The following DENND1B variants were observed in gnomAD, a reference collection of about 807,000 sequenced individuals.
DENND1B encodes the protein DENN domain containing 1B, also known as DENN domain-containing protein 1B.
In DENND1B, 59 loss-of-function variants were observed where a neutral mutation model predicts 90.1. The ratio of observed to expected loss-of-function variants is 0.65; its 90% CI spans 0.53 to 0.81. DENND1B has a LOEUF of 0.81. DENND1B is among the 40% of genes least tolerant of loss of function. DENND1B has a pLI of 0.00. For missense variants in DENND1B, 862 were observed against 912.6 expected, an observed-to-expected ratio of 0.94 and a Z score of 0.71; for synonymous variants, 337 against 324.6, an observed-to-expected ratio of 1.04 and a Z score of -0.41.
At chr1:197,766,889 G>T (rs1384670027) in intron 2 of DENND1B, among the ~76,000 whole-genome samples, 1 of 152,004 alleles carries the variant, frequency 6.6e-6, no homozygotes, top group Non-Finnish European at 1.5e-5. Context: ...CGCCTCCTGG[G>T]TTCAAGTGAT....
intron 9 of DENND1B, among the ~76,000 whole-genome samples, chr1:197,644,039 T>C (rs1680513212): frequency 6.6e-6 from 1 of 152,168 alleles, no homozygotes; most frequent in Non-Finnish European, 1.5e-5. Context: ...CCATCACAAA[T>C]TGGTAATCAT....
chr1:197,638,380 A>C (rs542617757), intron 10 of DENND1B, among the ~76,000 whole-genome samples: 20 of 152,334 alleles, frequency 1.3e-4, no homozygotes, highest in African/African-American at 4.6e-4. Context: ...CTTTTAAAAG[A>C]AGCATCCCTT....
chr1:197,566,758 T>C (rs1444005953), intron 15 of DENND1B, among the ~76,000 whole-genome samples: 1 of 151,454 alleles, frequency 6.6e-6, no homozygotes, highest in African/African-American at 2.4e-5. Flanking sequence ...AAATATCATA[T>C]GGTGCTAAAA....
chr1:197,642,681 T>G (rs1169095922), intron 10 of DENND1B, 30 bp downstream of exon 10: 11 of 1,524,216 alleles, frequency 7.2e-6, no homozygotes, highest in Non-Finnish European at 9.9e-6. Flanking sequence ...ACTCAATACC[T>G]GCTACTTAAA....
chr1:197,575,637 G>A (rs1673604341), intron 15 of DENND1B, among the ~76,000 whole-genome samples: 1 of 152,166 alleles, frequency 6.6e-6, no homozygotes, highest in Non-Finnish European at 1.5e-5. Flanking sequence ...GCACATGTAT[G>A]TTTATTGCGG....
intron 14 of DENND1B, among the ~76,000 whole-genome samples, chr1:197,592,001 C>T (rs893962798): frequency 2.1e-5 from 3 of 145,482 alleles, no homozygotes; most frequent in Non-Finnish European, 3.0e-5. Flanking sequence ...CCCTGCTACT[C>T]GGGACGCTGA....
chr1:197,510,663 G>A lies in DENND1B; in HGVS notation c.2125C>T (p.Gln709Ter), dbSNP rs1667961149. ...GGTATAAGCAGATCATCTGAAATCT[G>A]GCTTAGTGTTTCCCTCTTTTCTGTT... ...GKTEKRETLS[Q>*]ISDDLLIPGL... The change falls in exon 23 of 23, where the codon CAG becomes TAG. Residue 709 changes from glutamine to a stop codon, truncating the protein, a stop_gained. Transcript: ENST00000620048. LOFTEE classifies it low-confidence loss of function (END_TRUNC). 1 of 1,612,764 alleles carries A rather than the reference G, an allele frequency of 6.2e-7. No homozygotes were observed. The highest frequency in any genetic ancestry group is 2.2e-5 in the East Asian group (1 of 44,836).
At chr1:197,735,478 A>T in intron 2 of DENND1B, 1 of 1,550,250 alleles carries the variant, frequency 6.5e-7, no homozygotes, top group South Asian at 1.2e-5. Context: ...TTGTTAGAAG[A>T]AGTGATCTAA....
chr1:197,554,010 GCATA>G lies in DENND1B; in HGVS notation c.1150-902_1150-899del, dbSNP rs1357205815. Among the ~76,000 whole-genome samples, 15 of 151,676 alleles carry G rather than the reference GCATA, an allele frequency of 9.9e-5. No individual in the cohort carries two copies. In the South Asian group the frequency reaches 3.1e-3, roughly 32 times the overall value. On this transcript the variant is annotated intron_variant, in intron 15 of 22. Transcript: ENST00000620048. ...GTCCTCACCTGTTCCAACATACATA[GCATA>G]CCAGAATCTCACAGTATTAATGCTG... is the stretch of plus-strand genomic sequence containing the variant.
intron 5 of DENND1B, among the ~76,000 whole-genome samples, chr1:197,660,331 T>C (rs1558369729): frequency 6.6e-6 from 1 of 151,792 alleles, no homozygotes; most frequent in African/African-American, 2.4e-5. Context: ...ACTTAAAGTA[T>C]AATAAATAAT....
At chr1:197,685,421 CT>C (rs1229046942) in intron 3 of DENND1B, among the ~76,000 whole-genome samples, 2 of 152,064 alleles carry the variant, frequency 1.3e-5, no homozygotes, top group Non-Finnish European at 2.9e-5. Flanking sequence ...CTTTGTTAGA[CT>C]TCTTATAACT....
At chr1:197,745,493 CTT>C (rs1571590163) in intron 2 of DENND1B, among the ~76,000 whole-genome samples, 1 of 151,926 alleles carries the variant, frequency 6.6e-6, no homozygotes, top group East Asian at 1.9e-4. Flanking sequence ...CCCCATCTCT[CTT>C]GTTAGAACAC....
chr1:197,721,065 A>AT (rs11371047), intron 2 of DENND1B, among the ~76,000 whole-genome samples: 44,285 of 98,980 alleles, frequency 0.45, 11,778 homozygotes, highest in East Asian at 0.62. Context: ...GAGAAACGGC[A>AT]TTTTTTTTTT....
chr1:197,592,442 T>C (rs1307710524), intron 14 of DENND1B, among the ~76,000 whole-genome samples: 3 of 152,080 alleles, frequency 2.0e-5, no homozygotes, highest in African/African-American at 7.2e-5. Flanking sequence ...AAAATAACAA[T>C]GTAATTAACA....
At chr1:197,570,542 C>A (rs1434594398) in intron 15 of DENND1B, among the ~76,000 whole-genome samples, 1 of 152,006 alleles carries the variant, frequency 6.6e-6, no homozygotes, top group Non-Finnish European at 1.5e-5. Flanking sequence ...TTTGATAGAA[C>A]TGAGGGCATG....
chr1:197,603,374 A>G (rs1448083145), intron 13 of DENND1B, among the ~76,000 whole-genome samples: 1 of 151,206 alleles, frequency 6.6e-6, no homozygotes, highest in African/African-American at 2.4e-5. Flanking sequence ...CTGAGGATCA[A>G]CCTCTATGAA....
chr1:197,517,026 G>T (rs927360200), intron 20 of DENND1B, among the ~76,000 whole-genome samples: 1 of 151,812 alleles, frequency 6.6e-6, no homozygotes, highest in Non-Finnish European at 1.5e-5. Context: ...TAATCTCATT[G>T]TGTTATCTGC....
At chr1:197,593,724 C>A (rs1301292590) in intron 14 of DENND1B, among the ~76,000 whole-genome samples, 4 of 151,888 alleles carry the variant, frequency 2.6e-5, no homozygotes, top group Non-Finnish European at 5.9e-5. Flanking sequence ...CTCCTTTCTT[C>A]AAATCTGAAG....
intron 20 of DENND1B, among the ~76,000 whole-genome samples, chr1:197,518,290 A>G (rs571356468): frequency 2.6e-5 from 4 of 151,946 alleles, no homozygotes; most frequent in Non-Finnish European, 5.9e-5. Context: ...TTGCCAGGAT[A>G]TAATTGGACA....
Sources: allele counts gnomAD v4.1 joint callset (sites outside exome capture counted in the v4.1 genomes callset), GRCh38; gene constraint gnomAD v4.1.1; transcripts MANE v1.5; gene names NCBI Gene and HGNC (gene_info 2026-07-23, HGNC 2026-07-21).